Variants in DPYS observed in about 807,000 individuals in gnomAD.
DPYS encodes the protein dihydropyrimidine amidohydrolase.
DPYS carries 39 observed loss-of-function variants against 50.3 expected under a neutral mutation model. The observed-to-expected ratio is 0.78, with a 90% confidence interval of 0.60 to 1.01. DPYS has a LOEUF of 1.01. Among genes scored for constraint, DPYS ranks in the 50% least tolerant of loss-of-function variants. The probability of loss-of-function intolerance (pLI) is 0.00; values close to 1 mark genes in which losing one functional copy is unlikely to be tolerated. For missense variants in DPYS, 659 were observed against 680.9 expected (o/e 0.97, Z 0.36); for synonymous variants, 245 against 250.7 (o/e 0.98, Z 0.22).
chr8:104,395,314 T>G (rs1811540564), intron 7 of DPYS, among the ~76,000 whole-genome samples: 1 of 152,334 alleles, frequency 6.6e-6, no homozygotes, highest in South Asian at 2.1e-4. Flanking sequence ...CTTGGATCTT[T>G]TTATATTTTT....
At chr8:104,464,482 A>C (rs1370781650) in intron 1 of DPYS, among the ~76,000 whole-genome samples, 1 of 152,226 alleles carries the variant, frequency 6.6e-6, no homozygotes, top group Non-Finnish European at 1.5e-5. Flanking sequence ...AAGAGGGAGA[A>C]TGATGCTAGT....
At chr8:104,412,380 T>C (rs1207104051) in intron 7 of DPYS, among the ~76,000 whole-genome samples, 2 of 152,138 alleles carry the variant, frequency 1.3e-5, no homozygotes, top group African/African-American at 4.8e-5. Flanking sequence ...TTTGTGAAAA[T>C]GTGGCTATAA....
At chr8:104,411,233 C>A (rs1812164781) in intron 7 of DPYS, among the ~76,000 whole-genome samples, 1 of 152,238 alleles carries the variant, frequency 6.6e-6, no homozygotes, top group Non-Finnish European at 1.5e-5. Flanking sequence ...TTCTTACACA[C>A]AATGAACATG....
chr8:104,384,189 T>A (rs6994791), intron 8 of DPYS, among the ~76,000 whole-genome samples: 55,512 of 152,054 alleles, frequency 0.37, 13,592 homozygotes, highest in African/African-American at 0.69. Flanking sequence ...GCTGTCTCAC[T>A]CTCCACAGTC....
At chr8:104,416,917 C>A (rs1039440798) in intron 7 of DPYS, among the ~76,000 whole-genome samples, 2 of 152,102 alleles carry the variant, frequency 1.3e-5, no homozygotes, top group Non-Finnish European at 2.9e-5. Flanking sequence ...TCTTCCCCCG[C>A]TTTATTTCAC....
At chr8:104,400,237 T>C (rs751303843) in intron 7 of DPYS, among the ~76,000 whole-genome samples, 4 of 152,170 alleles carry the variant, frequency 2.6e-5, no homozygotes, top group Non-Finnish European at 4.4e-5. Flanking sequence ...CCCTGACTGA[T>C]AGACACCTTG....
chr8:104,429,642 A>T lies in DPYS; in HGVS notation c.853T>A (p.Trp285Arg). 1.2e-6 allele frequency: 2 copies of T among 1,614,182 alleles called. 1 individual carries two copies. Among genetic ancestry groups the T allele is most frequent in the South Asian group, 2.2e-5 (2 of 91,086 alleles). Reference sequence around the variant, plus strand: ...GCTGCATGGTGCCATTCTTTATTCCAGTAGTGAGTGCCATCTGTGCCAAGA... The same window carrying T: ...GCTGCATGGTGCCATTCTTTATTCCTGTAGTGAGTGCCATCTGTGCCAAGA... ...ASLGTDGTHY[W>R]NKEWHHAAHH... Residue 285 changes from tryptophan to arginine, a missense_variant, in exon 5 of 10, where the codon TGG (tryptophan) becomes AGG (arginine). Transcript: ENST00000351513.
At chr8:104,392,653 T>A in intron 8 of DPYS, 131 bp downstream of exon 8, 1 of 1,142,496 alleles carries the variant, frequency 8.8e-7, no homozygotes, top group Non-Finnish European at 1.3e-6. Flanking sequence ...CTCATATCAA[T>A]CCTGACACCC....
At chr8:104,399,887 A>AAAAG (rs1564084276) in intron 7 of DPYS, among the ~76,000 whole-genome samples, 8 of 151,264 alleles carry the variant, frequency 5.3e-5, no homozygotes, top group Non-Finnish European at 8.9e-5. Context: ...AAAAAAAAAA[A>AAAAG]AAAGAAAGAA....
At chr8:104,445,461 T>C (rs1331909691) in intron 3 of DPYS, among the ~76,000 whole-genome samples, 1 of 152,178 alleles carries the variant, frequency 6.6e-6, no homozygotes, top group Non-Finnish European at 1.5e-5. Context: ...ATCCAGTCAT[T>C]TGCAACAACA....
At chr8:104,441,624 G>C (rs1311630491) in intron 4 of DPYS, among the ~76,000 whole-genome samples, 2 of 152,190 alleles carry the variant, frequency 1.3e-5, no homozygotes, top group Non-Finnish European at 2.9e-5. Flanking sequence ...CCAAGTAATT[G>C]GAGGGGCCTG....
intron 7 of DPYS, among the ~76,000 whole-genome samples, chr8:104,396,289 G>A (rs895391454): frequency 1.3e-5 from 2 of 152,162 alleles, no homozygotes; most frequent in Non-Finnish European, 2.9e-5. Context: ...TGATGCATTA[G>A]TAAGGTTGCT....
At chr8:104,439,101 A>G (rs1813254654) in intron 4 of DPYS, among the ~76,000 whole-genome samples, 1 of 152,160 alleles carries the variant, frequency 6.6e-6, no homozygotes, top group Non-Finnish European at 1.5e-5. Flanking sequence ...CAGGTAAAAT[A>G]AAACACGTAA....
intron 2 of DPYS, among the ~76,000 whole-genome samples, chr8:104,449,407 C>T (rs1361089322): frequency 6.6e-6 from 1 of 152,212 alleles, no homozygotes; most frequent in Non-Finnish European, 1.5e-5. Flanking sequence ...AGCATATTAG[C>T]TTCAGCCTTC....
chr8:104,447,766 C>T (rs1237556377), intron 2 of DPYS, among the ~76,000 whole-genome samples: 3 of 152,104 alleles, frequency 2.0e-5, no homozygotes, highest in Non-Finnish European at 2.9e-5. Flanking sequence ...TATTTCTGTA[C>T]TTGGATGTAA....
chr8:104,427,401 C>T (rs1178330432), intron 6 of DPYS, among the ~76,000 whole-genome samples: 1 of 151,182 alleles, frequency 6.6e-6, no homozygotes, highest in Non-Finnish European at 1.5e-5. Context: ...GCCTCAGCCT[C>T]CTGAGTAGCT....
chr8:104,399,318 A>C (rs940183594), intron 7 of DPYS, among the ~76,000 whole-genome samples: 6 of 119,468 alleles, frequency 5.0e-5, no homozygotes, highest in African/African-American at 1.9e-4. Context: ...AAACAACAAC[A>C]AAAAAAAACC....
At position 104,451,273 on chromosome 8, in the gene DPYS, A is replaced by G. The variant is rs1813727190; in HGVS notation, c.396T>C (p.His132=). The change falls in exon 2 of 10, where the codon CAT becomes CAC. Residue 132 remains histidine (H), a synonymous_variant. Transcript: ENST00000351513. The part of the protein sequence containing the change: ...DPKVCCDYSL[H]VAVTWWSDQV... ...GGTCACTCCACCACGTCACTGCCAC[A>G]TGAAGGCTGTAGTCGCAGCAAACTT... The G allele has an allele frequency of 6.2e-7, 1 of 1,614,118 alleles. No individual in the cohort carries two copies. Among genetic ancestry groups the G allele is most frequent in the Admixed American group, 1.7e-5 (1 of 60,012 alleles).
rs536007123 is a variant in DPYS at position 104,442,214 on chromosome 8, T to A, written c.793+2034A>T. ...ATTTTAAAATAATTTACAATAAAAT[T>A]AAAATGTCTGTATTTACTAGTTTTC... is the stretch of plus-strand genomic sequence containing the variant. On this transcript the variant is annotated intron_variant, in intron 4 of 9. Coordinates refer to ENST00000351513, the MANE Select transcript of DPYS (RefSeq NM_001385.3). 8.5e-5 allele frequency among the ~76,000 whole-genome samples: 13 copies of A among 152,332 alleles called. No homozygotes were observed. In the South Asian group the frequency reaches 2.7e-3, roughly 32 times the overall value.
Sources: gnomAD v4.1 joint callset for allele counts (sites outside exome capture counted in the v4.1 genomes callset) on GRCh38, gnomAD v4.1.1 for gene constraint, MANE v1.5 for transcripts, NCBI Gene and HGNC (gene_info 2026-07-23, HGNC 2026-07-21) for gene names.